Variants in GRIK4 observed in about 807,000 individuals in gnomAD.
GRIK4 encodes glutamate receptor ionotropic, kainate 4.
In GRIK4, 40 loss-of-function variants were observed where a neutral mutation model predicts 104.9. That is an observed-to-expected ratio of 0.38 (90% CI 0.30 to 0.50). GRIK4 has a LOEUF of 0.50. Among genes scored for constraint, GRIK4 ranks in the 20% least tolerant of loss-of-function variants. The pLI is 0.93. For missense variants in GRIK4, 1,047 were observed against 1,308.1 expected, an observed-to-expected ratio of 0.80 and a Z score of 3.08; for synonymous variants, 485 against 524.9, an observed-to-expected ratio of 0.92 and a Z score of 1.04.
intron 1 of GRIK4, among the ~76,000 whole-genome samples, chr11:120,522,146 A>C (rs1947802998): frequency 6.6e-6 from 1 of 152,178 alleles, no homozygotes; most frequent in Non-Finnish European, 1.5e-5. Context: ...CATGCTCTGG[A>C]GTGATCCTAA....
chr11:120,892,603 A>G (rs80300575), intron 11 of GRIK4, among the ~76,000 whole-genome samples: 2,032 of 152,262 alleles, frequency 0.013, 42 homozygotes, highest in African/African-American at 0.045. Context: ...AGCCTCTGTC[A>G]GGAAGCCCCA....
At chr11:120,807,892 G>A (rs1481077005) in intron 4 of GRIK4, among the ~76,000 whole-genome samples, 1 of 152,080 alleles carries the variant, frequency 6.6e-6, no homozygotes, top group Non-Finnish European at 1.5e-5. Flanking sequence ...TCTGCAAAAC[G>A]ACACCATCTT....
At chr11:120,785,161 C>T (rs907076898) in intron 3 of GRIK4, among the ~76,000 whole-genome samples, 1 of 152,180 alleles carries the variant, frequency 6.6e-6, no homozygotes, top group African/African-American at 2.4e-5. Context: ...GCAACTCCAG[C>T]CCACTGTTCC....
At chr11:120,848,371 A>T (rs1953899490) in intron 8 of GRIK4, among the ~76,000 whole-genome samples, 1 of 152,196 alleles carries the variant, frequency 6.6e-6, no homozygotes, top group African/African-American at 2.4e-5. Flanking sequence ...TTATGCTAAC[A>T]GTACCTAGCG....
chr11:120,741,912 A>C (rs542274445), intron 3 of GRIK4, among the ~76,000 whole-genome samples: 1 of 152,346 alleles, frequency 6.6e-6, no homozygotes, highest in African/African-American at 2.4e-5. Context: ...AAGAGGAGAC[A>C]TAGATCTGTG....
intron 13 of GRIK4, among the ~76,000 whole-genome samples, chr11:120,932,730 A>G (rs1049658303): frequency 1.3e-5 from 2 of 152,182 alleles, no homozygotes; most frequent in African/African-American, 4.8e-5. Context: ...GAGTTAAATG[A>G]CATTGAAGAA....
rs895248943 is a variant in GRIK4, at chr11:120,903,991, T to C, written c.1273-1299T>C. On this transcript the variant is annotated intron_variant, in intron 12 of 20. Transcript: ENST00000527524. This position sits in a 1 kb window ranked among gnomAD's most constrained non-coding sequence, Gnocchi z 4.4. ...CTCCTCCTTGACGCTAAGATCATGTTCCCCTGATTTTCAGCCTTCCTGGCT... is the reference window on the plus strand; with the variant it reads ...CTCCTCCTTGACGCTAAGATCATGTCCCCCTGATTTTCAGCCTTCCTGGCT... Among the ~76,000 whole-genome samples the C allele has an allele frequency of 6.6e-6, 1 of 152,208 alleles. No individual in the cohort carries two copies. The highest frequency in any genetic ancestry group is 2.4e-5 in the African/African-American group (1 of 41,460).
intron 3 of GRIK4, among the ~76,000 whole-genome samples, chr11:120,778,401 A>G (rs1322993384): frequency 2.0e-5 from 3 of 152,262 alleles, no homozygotes; most frequent in African/African-American, 4.8e-5. Context: ...TTCCGTTTAT[A>G]TCCCTATGCC....
chr11:120,580,514 A>G (rs67294535), intron 1 of GRIK4, among the ~76,000 whole-genome samples: 6,463 of 151,042 alleles, frequency 0.043, 185 homozygotes, highest in Middle Eastern at 0.071. Flanking sequence ...GACCTCAGTG[A>G]TCTGTTCTTA....
intron 3 of GRIK4, among the ~76,000 whole-genome samples, chr11:120,666,541 A>AT (rs1346951003): frequency 6.6e-6 from 1 of 152,234 alleles, no homozygotes; most frequent in African/African-American, 2.4e-5. Flanking sequence ...TTTCTTAAGC[A>AT]TATTGTGATC....
intron 1 of GRIK4, among the ~76,000 whole-genome samples, chr11:120,519,859 C>T (rs1180672527): frequency 6.9e-6 from 1 of 144,132 alleles, no homozygotes; most frequent in Non-Finnish European, 1.5e-5. Flanking sequence ...GGCTACCTCA[C>T]TACTGGTTTT....
At chr11:120,629,630 C>T (rs12577725) in intron 1 of GRIK4, among the ~76,000 whole-genome samples, 33,752 of 151,934 alleles carry the variant, frequency 0.22, 4,423 homozygotes, top group East Asian at 0.37. Flanking sequence ...GAAGCTAGAG[C>T]GCCTCCACCA....
At position 120,985,930 on chromosome 11, in the gene GRIK4, C is replaced by T. The variant is rs549810933; in HGVS notation, c.2541C>T (p.Thr847=). The change falls in exon 21 of 21, where the codon ACC becomes ACT. Residue 847 remains threonine (T), a synonymous_variant. Transcript: ENST00000527524. ...TEVSVCQEMV[T]ELRSIILCQD... is the part of the protein sequence containing the mutation. The stretch of plus-strand genomic sequence containing the variant: ...TGTCCGTCTGCCAGGAGATGGTGAC[C>T]GAGCTGCGCAGCATTATCCTGTGTC... 3.9e-6 allele frequency: 6 copies of T among 1,551,312 alleles called. No individual in the cohort carries two copies. The highest frequency in any genetic ancestry group is 3.4e-4 in the Middle Eastern group (2 of 5,932).
At chr11:120,777,842 C>A (rs1488329945) in intron 3 of GRIK4, among the ~76,000 whole-genome samples, 1 of 149,504 alleles carries the variant, frequency 6.7e-6, no homozygotes, top group Non-Finnish European at 1.5e-5. Context: ...GAGGCTGAGG[C>A]AGGAGAATAG....
intron 1 of GRIK4, among the ~76,000 whole-genome samples, chr11:120,574,228 T>C (rs1173579395): frequency 6.6e-6 from 1 of 152,174 alleles, no homozygotes; most frequent in Non-Finnish European, 1.5e-5. Flanking sequence ...ATGCTGAATG[T>C]ATGGGGGACT....
At chr11:120,891,968 A>G (rs1309819631) in intron 11 of GRIK4, among the ~76,000 whole-genome samples, 1 of 152,232 alleles carries the variant, frequency 6.6e-6, no homozygotes, top group Admixed American at 6.5e-5. Flanking sequence ...AGATGAAAGC[A>G]GTCACAGTGC....
At chr11:120,520,145 A>C (rs1947779695) in intron 1 of GRIK4, among the ~76,000 whole-genome samples, 1 of 152,038 alleles carries the variant, frequency 6.6e-6, no homozygotes, top group South Asian at 2.1e-4. Context: ...CACCCGCCTC[A>C]GCCCCCCAAA....
intron 3 of GRIK4, among the ~76,000 whole-genome samples, chr11:120,730,699 T>C (rs1011407318): frequency 6.6e-6 from 1 of 152,208 alleles, no homozygotes; most frequent in Non-Finnish European, 1.5e-5. Context: ...TCAATGAACA[T>C]GAAACATCAT....
At chr11:120,802,901 G>A (rs1467573729) in intron 4 of GRIK4, 44 bp downstream of exon 4, 1 of 1,558,826 alleles carries the variant, frequency 6.4e-7, no homozygotes, top group Admixed American at 1.7e-5. Context: ...GCTGGCAGAG[G>A]ATGGATGAGC....
Sources: allele counts gnomAD v4.1 joint callset (sites outside exome capture counted in the v4.1 genomes callset), GRCh38; gene constraint gnomAD v4.1.1; non-coding constraint Gnocchi (gnomAD v3.1); transcripts MANE v1.5; gene names NCBI Gene and HGNC (gene_info 2026-07-23, HGNC 2026-07-21).